NOL4L: variants seen among roughly 807,000 people sequenced by gnomAD.
NOL4L encodes nucleolar protein 4 like.
In NOL4L, 7 loss-of-function variants were observed where a neutral mutation model predicts 64.5. That is an observed-to-expected ratio of 0.11 (90% CI 0.06 to 0.20). The LOEUF (loss-of-function observed/expected upper bound fraction) is 0.20, where lower values mean the gene tolerates loss of function less well. NOL4L is among the 10% of genes least tolerant of loss of function. NOL4L has a pLI of 1.00. For missense variants in NOL4L, 680 were observed against 967.1 expected (o/e 0.70, Z 3.94); for synonymous variants, 413 against 401.0 (o/e 1.03, Z -0.36).
chr20:32,543,195 C>T (rs562387282), intron 1 of NOL4L, among the ~76,000 whole-genome samples: 4 of 152,220 alleles, frequency 2.6e-5, no homozygotes, highest in African/African-American at 4.8e-5. Flanking sequence ...AGTGGGGCTG[C>T]GTGAAGGAAG....
At chr20:32,535,431 T>G in intron 1 of NOL4L, 1 of 202,826 alleles carries the variant, frequency 4.9e-6, no homozygotes, top group Non-Finnish European at 8.8e-6. Flanking sequence ...GGACTCAATA[T>G]AGCACCTGCC....
At position 32,584,958 on chromosome 20, in the gene NOL4L, T is replaced by C; in HGVS notation, c.-68A>G. ...GGGCCGCCCGGTGCCGGGACTGGGC[T>C]GGGCTGGGCTGGACCGGGCCGGGAC... On this transcript the variant is annotated 5_prime_UTR_variant, in exon 1 of 11. Transcript: ENST00000621426. 1.1e-6 allele frequency: 1 copy of C among 904,002 alleles called. No individual in the cohort carries two copies. The highest frequency in any genetic ancestry group is 1.3e-6 in the Non-Finnish European group (1 of 746,366). The allele number at this position is 904,002 out of a possible 1,614,324, so 56.0% of individuals were successfully genotyped here. A position where few individuals can be genotyped will look rare whatever the true frequency, so the allele number is the denominator to read the frequency against.
intron 1 of NOL4L, among the ~76,000 whole-genome samples, chr20:32,583,281 C>T (rs898671235): frequency 4.6e-5 from 7 of 151,184 alleles, no homozygotes; most frequent in Non-Finnish European, 3.0e-5. Flanking sequence ...CTCCCGCCTC[C>T]CTCCCTCGCG....
intron 4 of NOL4L, among the ~76,000 whole-genome samples, chr20:32,480,247 C>T (rs970497330): frequency 4.6e-5 from 7 of 152,174 alleles, no homozygotes; most frequent in Non-Finnish European, 8.8e-5. Flanking sequence ...GTAATTCTAT[C>T]TCTACAGCTT....
chr20:32,516,170 G>A (rs1487807705), intron 3 of NOL4L, among the ~76,000 whole-genome samples: 1 of 152,082 alleles, frequency 6.6e-6, no homozygotes, highest in Admixed American at 6.5e-5. Context: ...GGTGGGCGTC[G>A]AAGGATGTGT....
chr20:32,481,563 A>G (rs1039626632), intron 4 of NOL4L, among the ~76,000 whole-genome samples: 13 of 152,188 alleles, frequency 8.5e-5, no homozygotes, highest in Non-Finnish European at 1.6e-4. Context: ...AGCTGGGAGG[A>G]AGGCCGCAGT....
intron 1 of NOL4L, among the ~76,000 whole-genome samples, chr20:32,556,593 G>C (rs905922945): frequency 6.6e-6 from 1 of 152,194 alleles, no homozygotes; most frequent in Non-Finnish European, 1.5e-5. Flanking sequence ...AAGTCACACA[G>C]CCGAGCAGAG....
At chr20:32,522,295 G>T (rs1041946963) in intron 2 of NOL4L, among the ~76,000 whole-genome samples, 2 of 152,234 alleles carry the variant, frequency 1.3e-5, no homozygotes, top group African/African-American at 4.8e-5. Context: ...TGTGGAGCAG[G>T]CAGGCTCCTT....
chr20:32,456,931 A>G (rs1413001132), intron 5 of NOL4L, among the ~76,000 whole-genome samples: 1 of 152,162 alleles, frequency 6.6e-6, no homozygotes, highest in African/African-American at 2.4e-5. Context: ...ACCTCCAGCC[A>G]TTCACTCCCT....
At chr20:32,483,316 G>T (rs1383245457) in intron 4 of NOL4L, 2 of 964,240 alleles carry the variant, frequency 2.1e-6, no homozygotes, top group African/African-American at 1.8e-5. Context: ...GGCGGCCCGG[G>T]CCCCGGAAAC....
At chr20:32,582,952 G>A (rs1449748439) in intron 1 of NOL4L, among the ~76,000 whole-genome samples, 2 of 152,016 alleles carry the variant, frequency 1.3e-5, no homozygotes, top group Non-Finnish European at 2.9e-5. Context: ...TCGGGGGAGG[G>A]GACAATGACC....
chr20:32,466,686 G>A (rs1353868645), intron 5 of NOL4L, among the ~76,000 whole-genome samples: 1 of 152,192 alleles, frequency 6.6e-6, no homozygotes, highest in East Asian at 1.9e-4. Flanking sequence ...AGAGAATGGG[G>A]CCCAGCTCTG....
chr20:32,479,234 C>G (rs1251494945), intron 4 of NOL4L, among the ~76,000 whole-genome samples: 1 of 152,240 alleles, frequency 6.6e-6, no homozygotes, highest in Non-Finnish European at 1.5e-5. Flanking sequence ...GGAAAATACA[C>G]CCAAGTCCAG....
At chr20:32,567,180 G>A (rs1979480683) in intron 1 of NOL4L, among the ~76,000 whole-genome samples, 1 of 152,174 alleles carries the variant, frequency 6.6e-6, no homozygotes, top group Non-Finnish European at 1.5e-5. Context: ...ACAATGGGTG[G>A]GAGAACAGCC....
Position 32,452,890 on chromosome 20 carries a change from G to A in NOL4L, c.1614C>T (p.Ser538=). Residue 538 remains serine, a synonymous_variant, in exon 9 of 11, where the codon TCC becomes TCT. Transcript: ENST00000621426. The stretch of plus-strand genomic sequence containing the variant: ...TGGCTGCGGTGGCAGGTACCTGTGA[G>A]GACTGGTAGATCTCTAGACGCATCC... ...AKRMRLEIYQ[S]SQDEPIALDK... is the part of the protein sequence containing the mutation. The A allele has an allele frequency of 6.2e-7, 1 of 1,613,936 alleles. No homozygotes were observed. The highest frequency in any genetic ancestry group is 8.5e-7 in the Non-Finnish European group (1 of 1,179,990).
At chr20:32,572,066 A>G (rs1247425236) in intron 1 of NOL4L, among the ~76,000 whole-genome samples, 1 of 152,220 alleles carries the variant, frequency 6.6e-6, no homozygotes, top group Non-Finnish European at 1.5e-5. Context: ...ACCATCCAAG[A>G]CCAGGTAACA....
intron 5 of NOL4L, among the ~76,000 whole-genome samples, chr20:32,469,107 G>A (rs1017256805): frequency 6.6e-6 from 1 of 151,758 alleles, no homozygotes; most frequent in Admixed American, 6.6e-5. Context: ...TGGGCACACA[G>A]CAGGGTCAGG....
At chr20:32,579,933 C>A (rs975351747) in intron 1 of NOL4L, among the ~76,000 whole-genome samples, 1 of 152,174 alleles carries the variant, frequency 6.6e-6, no homozygotes, top group Non-Finnish European at 1.5e-5. Flanking sequence ...CTTCATGAGC[C>A]CTAGGAAAGC....
chr20:32,480,078 C>T (rs1239286855), intron 4 of NOL4L, among the ~76,000 whole-genome samples: 7 of 152,134 alleles, frequency 4.6e-5, no homozygotes, highest in Admixed American at 6.5e-5. Flanking sequence ...CTTGTAACTA[C>T]GGGCAGGTGC....
Sources: allele counts gnomAD v4.1 joint callset (sites outside exome capture counted in the v4.1 genomes callset), GRCh38; gene constraint gnomAD v4.1.1; transcripts MANE v1.5; gene names NCBI Gene and HGNC (gene_info 2026-07-23, HGNC 2026-07-21).